The following FAM13B variants were observed in gnomAD, a reference collection of about 807,000 sequenced individuals.
FAM13B encodes the protein protein FAM13B.
A neutral mutation model predicts 117.3 loss-of-function variants in FAM13B; 60 were observed. The observed-to-expected ratio is 0.51, with a 90% CI of 0.42 to 0.63. The LOEUF is 0.63. FAM13B is among the 30% of genes least tolerant of loss of function. The pLI, the probability that FAM13B is intolerant of heterozygous loss-of-function variation, is 0.00. For missense variants in FAM13B, 972 were observed against 1,091.9 expected, an observed-to-expected ratio of 0.89 and a Z score of 1.55; for synonymous variants, 332 against 356.1, an observed-to-expected ratio of 0.93 and a Z score of 0.76.
chr5:138,048,134 A>G (rs1205966471), intron 1 of FAM13B, among the ~76,000 whole-genome samples: 2 of 152,242 alleles, frequency 1.3e-5, no homozygotes. Flanking sequence ...TTAGGTTTAC[A>G]GAAAAATAAA....
intron 7 of FAM13B, among the ~76,000 whole-genome samples, chr5:137,997,386 T>C (rs1031315615): frequency 1.3e-5 from 2 of 152,016 alleles, no homozygotes; most frequent in African/African-American, 4.8e-5. Context: ...GGAGAATCAC[T>C]TGAACCCGGG....
At chr5:138,024,502 G>A (rs1430553459) in intron 1 of FAM13B, among the ~76,000 whole-genome samples, 1 of 150,434 alleles carries the variant, frequency 6.6e-6, no homozygotes, top group Non-Finnish European at 1.5e-5. Context: ...TACTATTTTA[G>A]AGCCACCTAG....
intron 12 of FAM13B, 57 bp downstream of exon 12, chr5:137,960,109 A>AT (rs1018696375): frequency 9.8e-7 from 1 of 1,021,546 alleles, no homozygotes; most frequent in African/African-American, 1.6e-5. Flanking sequence ...AAGACCAGAC[A>AT]TAACAGTTTA....
At chr5:137,979,220 C>T (rs1774926208) in intron 10 of FAM13B, among the ~76,000 whole-genome samples, 1 of 152,052 alleles carries the variant, frequency 6.6e-6, no homozygotes, top group African/African-American at 2.4e-5. Flanking sequence ...ACCATGTTGG[C>T]CAGGCTGGTC....
intron 11 of FAM13B, among the ~76,000 whole-genome samples, chr5:137,960,640 T>C (rs559437128): frequency 1.3e-4 from 20 of 152,336 alleles, no homozygotes; most frequent in Admixed American, 3.3e-4. Context: ...GGTATCACTA[T>C]GTCTTTTACT....
intron 23 of FAM13B, 112 bp downstream of exon 23, chr5:137,941,832 G>T: frequency 1.2e-6 from 1 of 869,142 alleles, no homozygotes; most frequent in Non-Finnish European, 1.8e-6. Flanking sequence ...ATTTTTCAGT[G>T]CTAGCATCCT....
intron 1 of FAM13B, among the ~76,000 whole-genome samples, chr5:138,049,618 A>C (rs1307203300): frequency 6.6e-6 from 1 of 152,124 alleles, no homozygotes. Flanking sequence ...TTTCATTTGG[A>C]GTAAGTTACC....
chr5:138,042,051 A>T (rs911335428), intron 1 of FAM13B, among the ~76,000 whole-genome samples: 4 of 152,160 alleles, frequency 2.6e-5, no homozygotes, highest in Non-Finnish European at 4.4e-5. Flanking sequence ...ACAGGGGAAG[A>T]CCCTGAAGTT....
In FAM13B at chr5:138,022,577, C is replaced by T. The variant is rs1319937551; in HGVS notation, c.-202-1380G>A. On this transcript the variant is annotated intron_variant, in intron 1 of 23. Coordinates refer to ENST00000689681, the MANE Select transcript of FAM13B (RefSeq NM_001385994.1). ...ATTAGTTGCAAAACATCCTGAAATGCCTGCTAAGACATGTAGTTAATCTAC... is the reference window on the plus strand; with the variant it reads ...ATTAGTTGCAAAACATCCTGAAATGTCTGCTAAGACATGTAGTTAATCTAC... Among the ~76,000 whole-genome samples the T allele has an allele frequency of 3.9e-5, 6 of 152,146 alleles. No individual in the cohort carries two copies. In the South Asian group the frequency reaches 1.0e-3, roughly 26 times the overall value.
At chr5:138,049,261 G>GTTTTGT (rs1261617801) in intron 1 of FAM13B, among the ~76,000 whole-genome samples, 8 of 148,266 alleles carry the variant, frequency 5.4e-5, no homozygotes, top group Admixed American at 6.8e-5. Context: ...TACATTTCTT[G>GTTTTGT]TTTTGTTTTT....
At chr5:138,032,438 G>C (rs1471520116) in intron 1 of FAM13B, among the ~76,000 whole-genome samples, 1 of 152,246 alleles carries the variant, frequency 6.6e-6, no homozygotes, top group East Asian at 1.9e-4. Context: ...CGCAGCGCCA[G>C]CGGGCAGGAG....
At chr5:137,986,681 ATTTGT>A (rs938556200) in intron 9 of FAM13B, among the ~76,000 whole-genome samples, 11 of 152,198 alleles carry the variant, frequency 7.2e-5, no homozygotes, top group Admixed American at 7.2e-4. Context: ...AGTGTTTCAG[ATTTGT>A]TTTGTTTGTT....
intron 1 of FAM13B, among the ~76,000 whole-genome samples, chr5:138,027,279 C>A (rs1398657951): frequency 6.6e-6 from 1 of 152,232 alleles, no homozygotes; most frequent in African/African-American, 2.4e-5. Flanking sequence ...TATCTCACTA[C>A]TTGTTAAAGC....
At chr5:138,050,300 G>A (rs1046585282) in intron 1 of FAM13B, among the ~76,000 whole-genome samples, 4 of 152,132 alleles carry the variant, frequency 2.6e-5, no homozygotes, top group Admixed American at 1.3e-4. Flanking sequence ...GGCCAGGCGT[G>A]GTGATGCACG....
rs1561492748 is a variant in FAM13B at position 137,983,213 on chromosome 5, A to AAAAC, written c.1179+2043_1179+2044insGTTT. 1.3e-3 allele frequency among the ~76,000 whole-genome samples: 125 copies of AAAAC among 93,718 alleles called. 12 individuals are homozygous for AAAAC. Among genetic ancestry groups the AAAAC allele is most frequent in the Middle Eastern group, 7.5e-3 (1 of 134 alleles). The allele number at this position is 93,718 out of a possible 152,430, so 61.5% of individuals were successfully genotyped here. ...AAAAAAAAAAAAAAAAAAAAAAAAA[A>AAAAC]AACCGAGTGAGATATCCTGAATGCC... is the stretch of plus-strand genomic sequence containing the variant. On this transcript the variant is annotated intron_variant, in intron 10 of 23. Coordinates refer to ENST00000689681, the MANE Select transcript of FAM13B (RefSeq NM_001385994.1).
intron 7 of FAM13B, among the ~76,000 whole-genome samples, chr5:137,992,439 C>G (rs1221129449): frequency 1.3e-5 from 2 of 151,156 alleles, no homozygotes; most frequent in Non-Finnish European, 1.5e-5. Context: ...ACTAAAAATA[C>G]AAAAATTAGC....
chr5:137,977,880 A>G (rs1774473293), intron 10 of FAM13B, among the ~76,000 whole-genome samples: 1 of 152,226 alleles, frequency 6.6e-6, no homozygotes, highest in African/African-American at 2.4e-5. Context: ...AAACTGTTGG[A>G]AACATAAATA....
chr5:137,968,794 C>T (rs1164319164), intron 10 of FAM13B, among the ~76,000 whole-genome samples: 2 of 152,220 alleles, frequency 1.3e-5, no homozygotes, highest in African/African-American at 2.4e-5. Flanking sequence ...TTGCCTCACT[C>T]GGGAAGCGCA....
rs1783896592 is a variant in FAM13B at position 138,011,141 on chromosome 5, G to A, written c.557C>T (p.Thr186Ile). ...VFGPDVFHIY[T>I]DVEDMKEQEI... ...TTGCTCTTTCATGTCTTCCACATCT[G>A]TGTAAATGCTAAGAATAGAAGTCCA... is the stretch of plus-strand genomic sequence containing the variant. Residue 186 changes from threonine (T) to isoleucine (I), a missense_variant, in exon 6 of 24, where the codon ACA becomes ATA. Coordinates refer to ENST00000689681, the MANE Select transcript of FAM13B (RefSeq NM_001385994.1). 4 of 1,602,352 alleles carry A rather than the reference G, an allele frequency of 2.5e-6. No individual in the cohort carries two copies. In the East Asian group the frequency reaches 9.0e-5, roughly 36 times the overall value.
Sources: gnomAD v4.1 joint callset for allele counts (sites outside exome capture counted in the v4.1 genomes callset) on GRCh38, gnomAD v4.1.1 for gene constraint, MANE v1.5 for transcripts, NCBI Gene and HGNC (gene_info 2026-07-23, HGNC 2026-07-21) for gene names.